ADAMTS18: variants seen among roughly 807,000 people sequenced by gnomAD.
ADAMTS18 encodes A disintegrin and metalloproteinase with thrombospondin motifs 18.
In ADAMTS18, 157 loss-of-function variants were observed where a neutral mutation model predicts 165.9. That is an observed-to-expected ratio of 0.95 (90% CI 0.83 to 1.08). ADAMTS18 has a LOEUF of 1.08. Ranked by LOEUF, ADAMTS18 falls within the 50% of genes least tolerant of loss-of-function variation. ADAMTS18 has a pLI of 0.00. For missense variants in ADAMTS18, 2,040 were observed against 1,534.0 expected (o/e 1.33, Z -5.51); for synonymous variants, 782 against 578.2 (o/e 1.35, Z -5.06).
At chr16:77,293,908 G>C (rs1444294285) in intron 19 of ADAMTS18, among the ~76,000 whole-genome samples, 2 of 151,762 alleles carry the variant, frequency 1.3e-5, no homozygotes, top group Non-Finnish European at 2.9e-5. Flanking sequence ...GTTCCTTACA[G>C]ACCACAAACA....
rs958638200 is a variant in ADAMTS18 at position 77,292,965 on chromosome 16, G to A, written c.3189+111C>T. 5.0e-5 allele frequency: 67 copies of A among 1,346,618 alleles called. No homozygotes were observed. In the Middle Eastern group the frequency reaches 1.0e-3, roughly 20 times the overall value. The allele number at this position is 1,346,618 out of a possible 1,614,324, so 83.4% of individuals were successfully genotyped here. A position where few individuals can be genotyped will look rare whatever the true frequency, so the allele number is the denominator to read the frequency against. ...CTCCCCAGTAGATCAGACTACAGGC[G>A]CCTGCCACCTTGCCTGGCTAATTTT... is the stretch of plus-strand genomic sequence containing the variant. On this transcript the variant is annotated intron_variant, in intron 20 of 22. Transcript: ENST00000282849.
chr16:77,385,686 C>A (rs991998705), intron 3 of ADAMTS18, among the ~76,000 whole-genome samples: 2 of 152,170 alleles, frequency 1.3e-5, no homozygotes, highest in African/African-American at 4.8e-5. Flanking sequence ...AAGTACGCTA[C>A]GTGGCATCAA....
In ADAMTS18 at chr16:77,293,098, C is replaced by T. The variant is rs2055396840; in HGVS notation, c.3167G>A (p.Trp1056Ter). ...TACCTCGCTCCACGAAGAAGCGACC[C>T]ACTGTAGCCGGCTGTTCTTGGGGCA... ...GRCPKNSRLQ[W>*]VASSWSECSA... is the part of the protein sequence containing the mutation. Residue 1056 changes from tryptophan to a stop codon, truncating the protein, a stop_gained, in exon 20 of 23, where the codon TGG (tryptophan) becomes TAG (stop). Coordinates refer to ENST00000282849, the MANE Select transcript of ADAMTS18 (RefSeq NM_199355.4). LOFTEE classifies it high-confidence loss of function. 4 of 1,614,050 alleles carry T rather than the reference C, an allele frequency of 2.5e-6. No homozygotes were observed. Among genetic ancestry groups the T allele is most frequent in the African/African-American group, 1.3e-5 (1 of 74,994 alleles).
At chr16:77,310,284 A>G (rs1333312723) in intron 16 of ADAMTS18, among the ~76,000 whole-genome samples, 1 of 152,244 alleles carries the variant, frequency 6.6e-6, no homozygotes, top group Non-Finnish European at 1.5e-5. Flanking sequence ...CACTGTGCCA[A>G]TTGTGGAAGC....
At chr16:77,307,518 C>G (rs1175308343) in intron 16 of ADAMTS18, among the ~76,000 whole-genome samples, 1 of 152,200 alleles carries the variant, frequency 6.6e-6, no homozygotes, top group Non-Finnish European at 1.5e-5. Context: ...CAACATTCCT[C>G]AGAGTGTAGT....
At chr16:77,382,095 G>C (rs1048005732) in intron 3 of ADAMTS18, among the ~76,000 whole-genome samples, 2 of 152,178 alleles carry the variant, frequency 1.3e-5, no homozygotes, top group Non-Finnish European at 2.9e-5. Context: ...CTGAATGCCA[G>C]AGATACTCCA....
chr16:77,342,781 A>G (rs1387773145), intron 10 of ADAMTS18, among the ~76,000 whole-genome samples: 2 of 152,202 alleles, frequency 1.3e-5, no homozygotes, highest in African/African-American at 4.8e-5. Context: ...AAAGTTACAG[A>G]TGCAATTGAG....
At chr16:77,413,968 G>A (rs2057497897) in intron 3 of ADAMTS18, among the ~76,000 whole-genome samples, 1 of 152,052 alleles carries the variant, frequency 6.6e-6, no homozygotes, top group Non-Finnish European at 1.5e-5. Context: ...TTCAGTTTTT[G>A]CCATCAGAAT....
intron 16 of ADAMTS18, among the ~76,000 whole-genome samples, chr16:77,312,595 A>C (rs2055804049): frequency 6.6e-6 from 1 of 152,184 alleles, no homozygotes; most frequent in Non-Finnish European, 1.5e-5. Context: ...AAAAATCTTA[A>C]AGTTTACTTT....
intron 11 of ADAMTS18, among the ~76,000 whole-genome samples, chr16:77,336,549 TA>T (rs943498964): frequency 5.3e-5 from 8 of 152,228 alleles, no homozygotes; most frequent in African/African-American, 1.9e-4. Flanking sequence ...TTTGTCTACA[TA>T]AAAGGTGCCC....
At chr16:77,427,303 A>G (rs898912859) in intron 3 of ADAMTS18, among the ~76,000 whole-genome samples, 1 of 152,222 alleles carries the variant, frequency 6.6e-6, no homozygotes, top group Admixed American at 6.5e-5. Context: ...AAATTTTTAG[A>G]TCTCTTAGTA....
rs751159225 is a variant in ADAMTS18, at chr16:77,359,413, G to A, written c.1227C>T (p.Pro409=). 6.2e-7 allele frequency: 1 copy of A among 1,613,430 alleles called. No individual in the cohort carries two copies. The highest frequency in any genetic ancestry group is 8.5e-7 in the Non-Finnish European group (1 of 1,179,842). The change falls in exon 8 of 23, where the codon CCC becomes CCT. Residue 409 remains proline (P), a synonymous_variant. Transcript: ENST00000282849. ...GGTACTTAGAGCACATTCCACTGAT[G>A]GGGGCAAACCCTATTGAAAGAGCAG... ...NEPCDTLGFA[P]ISGMCSKYRS...
chr16:77,284,315 G>A (rs1453058184), intron 22 of ADAMTS18, among the ~76,000 whole-genome samples: 2 of 152,004 alleles, frequency 1.3e-5, no homozygotes, highest in South Asian at 2.1e-4. Context: ...TAGTAGAGAC[G>A]GGGTTTTCCA....
chr16:77,370,002 A>C (rs1031876223), intron 3 of ADAMTS18, among the ~76,000 whole-genome samples: 1 of 152,200 alleles, frequency 6.6e-6, no homozygotes, highest in Non-Finnish European at 1.5e-5. Context: ...TAATAGATGC[A>C]AAAAAATGCA....
intron 3 of ADAMTS18, among the ~76,000 whole-genome samples, chr16:77,429,427 C>T (rs1046816327): frequency 2.0e-5 from 3 of 152,080 alleles, no homozygotes; most frequent in Admixed American, 6.6e-5. Context: ...ACACTGAGGT[C>T]TACTTGGGGG....
rs1401136098 is a variant in ADAMTS18 at position 77,291,394 on chromosome 16, G to C, written c.3274C>G (p.Pro1092Ala). ...TTAATATTACGGCATCTTCGCTCTG[G>C]GAAAGTTATCAGCTTTCCCTGGAAG... ...KGFQGKLITF[P>A]ERRCRNIKKP... Residue 1092 changes from proline to alanine, a missense_variant, in exon 21 of 23, where the codon CCA becomes GCA. Transcript: ENST00000282849. 1.9e-6 allele frequency: 3 copies of C among 1,613,994 alleles called. No homozygotes were observed. In the African/African-American group the frequency reaches 4.0e-5, roughly 22 times the overall value.
intron 3 of ADAMTS18, among the ~76,000 whole-genome samples, chr16:77,415,635 T>G (rs377765879): frequency 6.7e-6 from 1 of 149,818 alleles, no homozygotes; most frequent in Non-Finnish European, 1.5e-5. Flanking sequence ...TCCCACAGAC[T>G]GCATGGACTT....
chr16:77,380,860 T>C (rs78731089), intron 3 of ADAMTS18, among the ~76,000 whole-genome samples: 6 of 152,260 alleles, frequency 3.9e-5, no homozygotes, highest in Non-Finnish European at 7.4e-5. Context: ...TTGTTTTTTG[T>C]TGTTTTAATT....
chr16:77,364,175 C>T lies in ADAMTS18; in HGVS notation c.972+13G>A. ...CTTTGGAGAGCCAGAAGGTTTGTGA[C>T]ACCCCCGCTTACCATGTTCATTACT... On this transcript the variant is annotated intron_variant, in intron 5 of 22. Coordinates refer to ENST00000282849, the MANE Select transcript of ADAMTS18 (RefSeq NM_199355.4). The T allele has an allele frequency of 1.9e-6, 3 of 1,614,088 alleles. No homozygotes were observed. The highest frequency in any genetic ancestry group is 2.7e-5 in the African/African-American group (2 of 75,018).
Sources: gnomAD v4.1 joint callset for allele counts (sites outside exome capture counted in the v4.1 genomes callset) on GRCh38, gnomAD v4.1.1 for gene constraint, MANE v1.5 for transcripts, NCBI Gene and HGNC (gene_info 2026-07-23, HGNC 2026-07-21) for gene names.